Variants in RBFOX1 observed in about 807,000 individuals in gnomAD.
RBFOX1 encodes the protein RNA binding protein fox-1 homolog 1.
In RBFOX1, 8 loss-of-function variants were observed where a neutral mutation model predicts 57.7. That is an observed-to-expected ratio of 0.14 (90% CI 0.08 to 0.25). The LOEUF (loss-of-function observed/expected upper bound fraction) is 0.25. Among genes scored for constraint, RBFOX1 ranks in the 10% least tolerant of loss-of-function variants. The probability of loss-of-function intolerance (pLI) is 1.00; values close to 1 mark genes in which losing one functional copy is unlikely to be tolerated. For missense variants in RBFOX1, 611 were observed against 548.5 expected, an observed-to-expected ratio of 1.11 and a Z score of -1.14; for synonymous variants, 326 against 222.4, an observed-to-expected ratio of 1.47 and a Z score of -4.15.
At chr16:6,770,462 G>A (rs906660538) in intron 3 of RBFOX1, among the ~76,000 whole-genome samples, 2 of 152,110 alleles carry the variant, frequency 1.3e-5, no homozygotes, top group East Asian at 3.9e-4. Context: ...ATATTTCTGC[G>A]GCAGCTTTTG....
intron 4 of RBFOX1, among the ~76,000 whole-genome samples, chr16:5,987,636 G>A (rs1253318981): frequency 6.6e-6 from 1 of 152,106 alleles, no homozygotes; most frequent in Non-Finnish European, 1.5e-5. Context: ...CCAGGAGTTC[G>A]AGGCTGTAGG....
intron 2 of RBFOX1, among the ~76,000 whole-genome samples, chr16:6,467,018 A>C (rs1208922609): frequency 6.6e-6 from 1 of 151,210 alleles, no homozygotes; most frequent in East Asian, 1.9e-4. Context: ...AAATATAATA[A>C]AGTTTATTTA....
At chr16:7,592,161 C>G (rs1167225206) in intron 7 of RBFOX1, among the ~76,000 whole-genome samples, 1 of 152,056 alleles carries the variant, frequency 6.6e-6, no homozygotes, top group Non-Finnish European at 1.5e-5. Context: ...AATCTCAACT[C>G]TAAATGAGGA....
intron 2 of RBFOX1, among the ~76,000 whole-genome samples, chr16:5,491,649 A>G (rs2042832683): frequency 6.6e-6 from 1 of 152,214 alleles, no homozygotes; most frequent in Non-Finnish European, 1.5e-5. Context: ...TGTGCCTTTC[A>G]AACGTGCACC....
chr16:7,084,277 AATAT>A (rs2059647290), intron 4 of RBFOX1, among the ~76,000 whole-genome samples: 1 of 152,122 alleles, frequency 6.6e-6, no homozygotes, highest in Admixed American at 6.5e-5. Context: ...GGTATGAACT[AATAT>A]ATATGTATGA....
intron 1 of RBFOX1, among the ~76,000 whole-genome samples, chr16:6,217,684 A>G (rs1162972814): frequency 6.6e-6 from 1 of 152,174 alleles, no homozygotes; most frequent in Non-Finnish European, 1.5e-5. Flanking sequence ...GTGCTTCAGT[A>G]TCGCACAGAC....
chr16:5,938,425 G>A (rs575377188), intron 4 of RBFOX1, among the ~76,000 whole-genome samples: 2 of 152,182 alleles, frequency 1.3e-5, no homozygotes, highest in Middle Eastern at 3.4e-3. Context: ...AAATTACTAG[G>A]CTGCTGATGG....
intron 4 of RBFOX1, among the ~76,000 whole-genome samples, chr16:7,403,573 C>CA (rs1365435653): frequency 2.4e-4 from 35 of 145,260 alleles, no homozygotes; most frequent in Non-Finnish European, 6.1e-5. Flanking sequence ...CCCCCCCCCC[C>CA]CACTTTTTTT....
chr16:6,727,588 T>A (rs1202086806), intron 3 of RBFOX1, among the ~76,000 whole-genome samples: 2 of 151,898 alleles, frequency 1.3e-5, no homozygotes. Flanking sequence ...TATGCTTGAG[T>A]GGAGTTGTGC....
intron 1 of RBFOX1, among the ~76,000 whole-genome samples, chr16:6,174,671 T>C: frequency 6.6e-6 from 1 of 152,050 alleles, no homozygotes; most frequent in Non-Finnish European, 1.5e-5. Flanking sequence ...AGAACTTCAG[T>C]GTTGTAGATC....
At chr16:7,595,366 T>C (rs1307901866) in intron 7 of RBFOX1, among the ~76,000 whole-genome samples, 183 bp from the exon 8 acceptor site, 1 of 152,232 alleles carries the variant, frequency 6.6e-6, no homozygotes. Flanking sequence ...GAAAAAAATA[T>C]CTTGTTCACA....
intron 4 of RBFOX1, among the ~76,000 whole-genome samples, chr16:7,290,944 C>G (rs544163031): frequency 1.3e-5 from 2 of 152,324 alleles, no homozygotes; most frequent in South Asian, 4.1e-4. Flanking sequence ...ATCCTTGCCT[C>G]CATCTCAATA....
intron 2 of RBFOX1, among the ~76,000 whole-genome samples, chr16:6,362,914 C>T (rs996671321): frequency 6.6e-6 from 1 of 152,096 alleles, no homozygotes. Flanking sequence ...TTGCTTGGTC[C>T]CCCTTCTAAG....
chr16:5,656,313 C>T (rs181637809), intron 3 of RBFOX1, among the ~76,000 whole-genome samples: 2 of 152,104 alleles, frequency 1.3e-5, no homozygotes, highest in Non-Finnish European at 2.9e-5. Context: ...AGTGCAGAGG[C>T]GAGCATATCA....
rs188495368 is a variant in RBFOX1 at position 7,505,098 on chromosome 16, G to T, written c.28-13049G>T. Among the ~76,000 whole-genome samples, 81 of 151,696 alleles carry T rather than the reference G, an allele frequency of 5.3e-4. 1 individual carries two copies. The highest frequency in any genetic ancestry group is 9.4e-4 in the Non-Finnish European group (64 of 67,986). Reference sequence around the variant, plus strand: ...GCTGAGTGAGTCAGAACATGTCTCAGTACTACTAAAAATGAAGAGACTAGC... The same window carrying T: ...GCTGAGTGAGTCAGAACATGTCTCATTACTACTAAAAATGAAGAGACTAGC... On this transcript the variant is annotated intron_variant, in intron 4 of 15. Transcript: ENST00000550418.
chr16:6,333,352 C>G (rs946886443), intron 2 of RBFOX1, among the ~76,000 whole-genome samples: 2 of 152,074 alleles, frequency 1.3e-5, no homozygotes, highest in Non-Finnish European at 2.9e-5. Flanking sequence ...GCCAGACATT[C>G]TTTCCTTTGC....
chr16:7,683,524 G>C lies in RBFOX1; in HGVS notation c.995+6686G>C, dbSNP rs151310899. Among the ~76,000 whole-genome samples, 166 of 152,182 alleles carry C rather than the reference G, an allele frequency of 1.1e-3. 2 individuals carry two copies. The highest frequency in any genetic ancestry group is 3.8e-3 in the African/African-American group (158 of 41,530). ...AACAGACTGGACCACCAAGGAGTTG[G>C]GGAGAGATTAAAGGAATTTCCAAGC... On this transcript the variant is annotated intron_variant, in intron 14 of 15. Coordinates refer to ENST00000550418, the MANE Select transcript of RBFOX1 (RefSeq NM_018723.4).
intron 2 of RBFOX1, among the ~76,000 whole-genome samples, chr16:6,581,381 TA>T (rs2097535327): frequency 1.3e-5 from 2 of 152,208 alleles, no homozygotes; most frequent in Non-Finnish European, 2.9e-5. Flanking sequence ...TTGAGTCTTT[TA>T]GGGTGCTTTA....
chr16:6,221,950 G>A (rs2097376607), intron 1 of RBFOX1, among the ~76,000 whole-genome samples: 1 of 152,092 alleles, frequency 6.6e-6, no homozygotes, highest in Admixed American at 6.6e-5. Context: ...TATGAGAATT[G>A]ATTTATTTAC....
Sources: allele counts gnomAD v4.1 joint callset (sites outside exome capture counted in the v4.1 genomes callset), GRCh38; gene constraint gnomAD v4.1.1; transcripts MANE v1.5; gene names NCBI Gene and HGNC (gene_info 2026-07-23, HGNC 2026-07-21).